The following ATP2B2 variants were observed in gnomAD, a reference collection of about 807,000 sequenced individuals.
ATP2B2 encodes the protein ATPase plasma membrane Ca2+ transporting 2, also known as plasma membrane calcium-transporting ATPase 2.
In ATP2B2, 15 loss-of-function variants were observed where a neutral mutation model predicts 120.0. The ratio of observed to expected loss-of-function variants is 0.12; its 90% CI spans 0.08 to 0.19. ATP2B2 has a LOEUF of 0.19. ATP2B2 is among the 10% of genes least tolerant of loss of function. ATP2B2 has a pLI of 1.00. For missense variants in ATP2B2, 1,045 were observed against 1,719.8 expected (o/e 0.61, Z 6.94); for synonymous variants, 694 against 700.3 (o/e 0.99, Z 0.14).
chr3:10,531,776 G>T (rs1407358251), intron 3 of ATP2B2, among the ~76,000 whole-genome samples: 6 of 152,138 alleles, frequency 3.9e-5, no homozygotes, highest in Non-Finnish European at 5.9e-5. Context: ...TCATCGCAAT[G>T]CCTGGCACGC....
At position 10,386,468 on chromosome 3, in the gene ATP2B2, G is replaced by C; in HGVS notation, c.940+12C>G. On this transcript the variant is annotated intron_variant, in intron 7 of 22. Coordinates refer to ENST00000360273, the MANE Select transcript of ATP2B2 (RefSeq NM_001001331.4). Reference sequence around the variant, plus strand: ...CTAAAAGCCCATCTACCCTGAGGGTGTCTTACTGTACCTGGTAGCTGAAGG... The same window carrying C: ...CTAAAAGCCCATCTACCCTGAGGGTCTCTTACTGTACCTGGTAGCTGAAGG... 6.2e-7 allele frequency: 1 copy of C among 1,613,832 alleles called. No individual in the cohort carries two copies. The highest frequency in any genetic ancestry group is 8.5e-7 in the Non-Finnish European group (1 of 1,179,706).
chr3:10,558,798 G>A (rs1278082631), intron 2 of ATP2B2, among the ~76,000 whole-genome samples: 1 of 152,050 alleles, frequency 6.6e-6, no homozygotes, highest in African/African-American at 2.4e-5. Context: ...GGAGAAAGAT[G>A]GATGAGGGGA....
At chr3:10,435,224 A>G (rs1358598524) in intron 2 of ATP2B2, among the ~76,000 whole-genome samples, 1 of 152,160 alleles carries the variant, frequency 6.6e-6, no homozygotes, top group South Asian at 2.1e-4. Flanking sequence ...CCGGACCATT[A>G]CCGGAGCATG....
At chr3:10,641,312 A>AC (rs1280633215) in intron 1 of ATP2B2, among the ~76,000 whole-genome samples, 5 of 152,200 alleles carry the variant, frequency 3.3e-5, no homozygotes, top group Non-Finnish European at 7.3e-5. Flanking sequence ...AACTCAGGCT[A>AC]TCCAGGAGAC....
intron 1 of ATP2B2, among the ~76,000 whole-genome samples, chr3:10,686,586 A>G (rs2071531046): frequency 6.6e-6 from 1 of 152,042 alleles, no homozygotes; most frequent in Non-Finnish European, 1.5e-5. Flanking sequence ...CCCAGGAGGC[A>G]GAGCTTGCAG....
chr3:10,533,146 G>A lies in ATP2B2; in HGVS notation c.-320+893C>T, dbSNP rs1575467779. Among the ~76,000 whole-genome samples the A allele has an allele frequency of 2.0e-5, 3 of 152,256 alleles. No individual in the cohort carries two copies. In the South Asian group the frequency reaches 6.2e-4, roughly 32 times the overall value. On this transcript the variant is annotated intron_variant, in intron 3 of 21. Transcript: ENST00000646379. ...CCTAATGTAAGGTTGGCCAAGCAAG[G>A]CAAATAGCAGAGGCCCCAAGAAAGG...
In ATP2B2 at chr3:10,407,344, C is replaced by T. The variant is rs74724669; in HGVS notation, c.397+3274G>A. Among the ~76,000 whole-genome samples, 1,216 of 152,326 alleles carry T rather than the reference C, an allele frequency of 8.0e-3. 19 individuals are homozygous for T. Among genetic ancestry groups the T allele is most frequent in the South Asian group, 0.028 (134 of 4,832 alleles). On this transcript the variant is annotated intron_variant, in intron 3 of 22. Coordinates refer to ENST00000360273, the MANE Select transcript of ATP2B2 (RefSeq NM_001001331.4). ...ATCTGGTGAAGCCGGTGGTGGAAGT[C>T]GTCCATCTTTCCTATGGGTGCCAGG...
intron 3 of ATP2B2, among the ~76,000 whole-genome samples, chr3:10,522,179 C>T (rs962656975): frequency 2.0e-5 from 3 of 152,158 alleles, no homozygotes; most frequent in Admixed American, 6.5e-5. Context: ...AGTGCAGTGT[C>T]CACCCTCCAG....
At chr3:10,429,800 A>C (rs929298496) in intron 2 of ATP2B2, among the ~76,000 whole-genome samples, 6 of 152,238 alleles carry the variant, frequency 3.9e-5, no homozygotes, top group African/African-American at 1.4e-4. Context: ...ATGCAAAGGA[A>C]AAGTTCTAGA....
intron 2 of ATP2B2, among the ~76,000 whole-genome samples, chr3:10,597,019 A>T (rs866356040): frequency 3.3e-5 from 5 of 149,824 alleles, no homozygotes; most frequent in African/African-American, 9.7e-5. Flanking sequence ...ACACACGCAC[A>T]CAGGCACACA....
At chr3:10,519,461 AG>A (rs1263227774) in intron 3 of ATP2B2, among the ~76,000 whole-genome samples, 2 of 152,222 alleles carry the variant, frequency 1.3e-5, no homozygotes, top group African/African-American at 4.8e-5. Context: ...CAAGGTGCCC[AG>A]CTTTACAGAG....
At chr3:10,488,064 C>T (rs1312538493) in intron 1 of ATP2B2, among the ~76,000 whole-genome samples, 1 of 152,012 alleles carries the variant, frequency 6.6e-6, no homozygotes, top group Non-Finnish European at 1.5e-5. Flanking sequence ...CACTCCTCCA[C>T]CAAACCATCC....
intron 1 of ATP2B2, among the ~76,000 whole-genome samples, chr3:10,658,519 T>C (rs1203374270): frequency 6.6e-6 from 1 of 151,926 alleles, no homozygotes; most frequent in African/African-American, 2.4e-5. Flanking sequence ...ATGAATGAAA[T>C]GAAGCAAGAA....
chr3:10,406,231 TG>T (rs1288184814), intron 3 of ATP2B2, among the ~76,000 whole-genome samples: 5 of 152,236 alleles, frequency 3.3e-5, no homozygotes, highest in Non-Finnish European at 7.3e-5. Flanking sequence ...CAGCCCAGGC[TG>T]GCCCAGCTTG....
intron 2 of ATP2B2, among the ~76,000 whole-genome samples, chr3:10,579,281 T>C (rs1448786500): frequency 2.0e-5 from 3 of 152,206 alleles, no homozygotes; most frequent in Non-Finnish European, 2.9e-5. Flanking sequence ...AATAATGAGC[T>C]TGCAGCTCGT....
intron 2 of ATP2B2, among the ~76,000 whole-genome samples, chr3:10,591,154 C>G (rs2068634396): frequency 6.6e-6 from 1 of 152,056 alleles, no homozygotes; most frequent in Admixed American, 6.5e-5. Flanking sequence ...ATGGCCCTCC[C>G]CAGTAGACGT....
intron 1 of ATP2B2, among the ~76,000 whole-genome samples, chr3:10,649,445 T>C (rs2070397147): frequency 6.6e-6 from 1 of 152,200 alleles, no homozygotes; most frequent in Non-Finnish European, 1.5e-5. Context: ...TCTTATGTCA[T>C]CCTTCTGCCA....
In ATP2B2 at chr3:10,643,328, C is replaced by T. The variant is rs116705859; in HGVS notation, c.-459-23367G>A. Among the ~76,000 whole-genome samples the T allele has an allele frequency of 5.9e-3, 893 of 152,246 alleles. 3 individuals carry two copies. The highest frequency in any genetic ancestry group is 9.5e-3 in the Non-Finnish European group (648 of 68,014). On this transcript the variant is annotated intron_variant, in intron 1 of 21. Transcript: ENST00000646379. ...AGCATGCAGAGGCCTGTTTGATAAA[C>T]GTGGAATGCTGGAGTTGCAAAATCA...
chr3:10,635,880 G>A lies in ATP2B2; in HGVS notation c.-459-15919C>T, dbSNP rs78787891. Among the ~76,000 whole-genome samples, 157 of 152,326 alleles carry A rather than the reference G, an allele frequency of 1.0e-3. 1 individual carries two copies. In the East Asian group the frequency reaches 0.024, roughly 23 times the overall value. ...GGCAAGGGAGGCTGCAGTGGCGGCTGCAAGTGTCACTCCCAGGCCTTCCTG... is the reference window on the plus strand; with the variant it reads ...GGCAAGGGAGGCTGCAGTGGCGGCTACAAGTGTCACTCCCAGGCCTTCCTG... On this transcript the variant is annotated intron_variant, in intron 1 of 21. Transcript: ENST00000646379. The surrounding 1 kb of genome is among the most constrained non-coding windows in gnomAD (Gnocchi z 4.3).
Sources: gnomAD v4.1 joint callset for allele counts (sites outside exome capture counted in the v4.1 genomes callset) on GRCh38, gnomAD v4.1.1 for gene constraint, Gnocchi (gnomAD v3.1) non-coding constraint, MANE v1.5 for transcripts, NCBI Gene and HGNC (gene_info 2026-07-23, HGNC 2026-07-21) for gene names.